SPAG1: variants seen among roughly 807,000 people sequenced by gnomAD.
SPAG1 encodes the protein sperm-associated antigen 1.
In SPAG1, 69 loss-of-function variants were observed where a neutral mutation model predicts 100.5. The ratio of observed to expected loss-of-function variants is 0.69; its 90% CI spans 0.57 to 0.84. The LOEUF (loss-of-function observed/expected upper bound fraction) is 0.84, where lower values mean the gene tolerates loss of function less well. Ranked by LOEUF, SPAG1 falls within the 40% of genes least tolerant of loss-of-function variation. SPAG1 has a pLI of 0.00. For synonymous variants in SPAG1, 336 were observed against 411.6 expected, an observed-to-expected ratio of 0.82 and a Z score of 2.22; for missense variants, 955 against 1,133.1, an observed-to-expected ratio of 0.84 and a Z score of 2.26.
At chr8:100,207,739 C>T (rs578030668) in intron 10 of SPAG1, among the ~76,000 whole-genome samples, 18 of 152,316 alleles carry the variant, frequency 1.2e-4, no homozygotes, top group Admixed American at 4.6e-4. Flanking sequence ...TTATTCCACA[C>T]GGCATTGCCT....
intron 16 of SPAG1, among the ~76,000 whole-genome samples, chr8:100,238,056 T>C (rs1051364855): frequency 6.6e-6 from 1 of 152,120 alleles, no homozygotes; most frequent in African/African-American, 2.4e-5. Context: ...AAGTAATAAT[T>C]GTAAAATGCT....
intron 4 of SPAG1, among the ~76,000 whole-genome samples, chr8:100,179,465 A>T (rs1816273511): frequency 6.6e-6 from 1 of 152,208 alleles, no homozygotes; most frequent in East Asian, 1.9e-4. Context: ...GCATTGCTGA[A>T]GGAGCAATGG....
chr8:100,221,684 A>G (rs1200759717), intron 13 of SPAG1, among the ~76,000 whole-genome samples: 1 of 152,192 alleles, frequency 6.6e-6, no homozygotes, highest in African/African-American at 2.4e-5. Context: ...GGCTCGGGGA[A>G]GGGGATCACA....
At chr8:100,165,537 A>G in intron 2 of SPAG1, 2 of 375,102 alleles carry the variant, frequency 5.3e-6, no homozygotes, top group Non-Finnish European at 9.9e-6. Flanking sequence ...CACTTCCTCC[A>G]CGGTGCCGGG....
chr8:100,193,709 C>T (rs2453663), intron 9 of SPAG1, among the ~76,000 whole-genome samples: 1 of 151,940 alleles, frequency 6.6e-6, no homozygotes, highest in Admixed American at 6.6e-5. Flanking sequence ...TTGATCCCAC[C>T]GTTTGAGACT....
chr8:100,212,767 G>A (rs757622337), intron 10 of SPAG1, among the ~76,000 whole-genome samples: 1 of 152,232 alleles, frequency 6.6e-6, no homozygotes, highest in African/African-American at 2.4e-5. Context: ...ACCTGGACAG[G>A]TGGACTTGAT....
intron 14 of SPAG1, among the ~76,000 whole-genome samples, chr8:100,230,247 C>T (rs1022396303): frequency 1.3e-5 from 2 of 152,184 alleles, no homozygotes; most frequent in African/African-American, 4.8e-5. Flanking sequence ...CCACTTCAGG[C>T]TTTAAGAGGA....
At chr8:100,170,575 C>T (rs964400943) in intron 3 of SPAG1, among the ~76,000 whole-genome samples, 1 of 152,072 alleles carries the variant, frequency 6.6e-6, no homozygotes, top group Non-Finnish European at 1.5e-5. Flanking sequence ...CATTCTATTG[C>T]TGTTCCTATA....
At chr8:100,201,007 A>T (rs1224568398) in intron 10 of SPAG1, among the ~76,000 whole-genome samples, 1 of 151,066 alleles carries the variant, frequency 6.6e-6, no homozygotes, top group East Asian at 1.9e-4. Context: ...TTTTTTTCAG[A>T]TTTTTTTTCT....
intron 3 of SPAG1, among the ~76,000 whole-genome samples, chr8:100,170,432 G>T (rs117614851): frequency 1.3e-5 from 2 of 152,000 alleles, no homozygotes; most frequent in African/African-American, 4.8e-5. Context: ...TGAGTGTACA[G>T]TTCAGTAGTG....
chr8:100,228,806 G>A (rs1426618246), intron 14 of SPAG1, among the ~76,000 whole-genome samples: 3 of 151,904 alleles, frequency 2.0e-5, no homozygotes, highest in African/African-American at 7.3e-5. Context: ...TTAATTTATG[G>A]ATTTTTATTA....
chr8:100,194,447 A>T, intron 10 of SPAG1, 179 bp downstream of exon 10: 1 of 834,406 alleles, frequency 1.2e-6, no homozygotes. Flanking sequence ...AATCTCTCAA[A>T]CCCATTTTCC....
intron 14 of SPAG1, 135 bp downstream of exon 14, chr8:100,225,474 TTTA>T (rs1818468392): frequency 2.6e-6 from 2 of 762,804 alleles, no homozygotes; most frequent in Non-Finnish European, 4.1e-6. Context: ...TTCTCCCTAT[TTTA>T]TTATTATTTT....
chr8:100,213,729 C>A, intron 11 of SPAG1, 90 bp from the exon 12 acceptor site: 1 of 795,856 alleles, frequency 1.3e-6, no homozygotes, highest in Non-Finnish European at 2.1e-6. Flanking sequence ...GCAGTGCCAC[C>A]CCACCGGAGA....
chr8:100,239,258 A>C lies in SPAG1; in HGVS notation c.2134A>C (p.Ile712Leu), dbSNP rs1819145355. 6.6e-7 allele frequency: 1 copy of C among 1,505,172 alleles called. No homozygotes were observed. The highest frequency in any genetic ancestry group is 1.4e-5 in the African/African-American group (1 of 70,302). The allele number at this position is 1,505,172 out of a possible 1,614,324, so 93.2% of individuals were successfully genotyped here. A position where few individuals can be genotyped will look rare whatever the true frequency, so the allele number is the denominator to read the frequency against. ...KGLKNYQKSL[I>L]DLNKVILLDP... Reference sequence around the variant, plus strand: ...CTTACAGAATTATCAGAAAAGCTTAATTGATCTCAATAAAGTTATCCTACT... The same window carrying C: ...CTTACAGAATTATCAGAAAAGCTTACTTGATCTCAATAAAGTTATCCTACT... Residue 712 changes from isoleucine to leucine, a missense_variant, in exon 17 of 19, where the codon ATT becomes CTT. By Grantham distance (5) the Ile-to-Leu change is conservative. Transcript: ENST00000388798. The surrounding 1 kb of genome is among the most constrained non-coding windows in gnomAD (Gnocchi z 5.0).
chr8:100,230,793 T>C (rs1011025054), intron 14 of SPAG1, among the ~76,000 whole-genome samples: 5 of 151,934 alleles, frequency 3.3e-5, no homozygotes, highest in Non-Finnish European at 7.4e-5. Context: ...CCAGCTAATT[T>C]TATATTTTTA....
chr8:100,190,896 C>T (rs1816789582), intron 8 of SPAG1, among the ~76,000 whole-genome samples: 2 of 151,948 alleles, frequency 1.3e-5, no homozygotes, highest in Non-Finnish European at 2.9e-5. Flanking sequence ...TCTTGAACTC[C>T]TGGCCTCAAG....
At chr8:100,183,159 G>T (rs1361843846) in intron 4 of SPAG1, among the ~76,000 whole-genome samples, 2 of 151,964 alleles carry the variant, frequency 1.3e-5, no homozygotes, top group Non-Finnish European at 2.9e-5. Context: ...TTTTAGTAGA[G>T]ACGGGGTTTC....
intron 7 of SPAG1, among the ~76,000 whole-genome samples, chr8:100,186,271 A>C (rs1454524033): frequency 1.3e-5 from 2 of 151,680 alleles, no homozygotes; most frequent in Non-Finnish European, 2.9e-5. Flanking sequence ...GGCTCTCATG[A>C]TGTTGCCCAG....
Sources: allele counts gnomAD v4.1 joint callset (sites outside exome capture counted in the v4.1 genomes callset), GRCh38; gene constraint gnomAD v4.1.1; non-coding constraint Gnocchi (gnomAD v3.1); transcripts MANE v1.5; gene names NCBI Gene and HGNC (gene_info 2026-07-23, HGNC 2026-07-21).